Variants in TMEM132A observed in about 807,000 individuals in gnomAD.
TMEM132A encodes the protein GRP78-binding protein.
In TMEM132A, 48 loss-of-function variants were observed where a neutral mutation model predicts 69.9. That is an observed-to-expected ratio of 0.69 (90% CI 0.55 to 0.87). TMEM132A has a LOEUF of 0.87. TMEM132A is among the 40% of genes least tolerant of loss of function. The probability of loss-of-function intolerance (pLI) is 0.00; values close to 1 mark genes in which losing one functional copy is unlikely to be tolerated. For missense variants in TMEM132A, 1,287 were observed against 1,407.2 expected (o/e 0.91, Z 1.37); for synonymous variants, 577 against 613.7 (o/e 0.94, Z 0.88).
Position 60,931,967 on chromosome 11 carries a change from C to T in TMEM132A, c.1213-17C>T, listed in dbSNP as rs1390466976. On this transcript the variant is annotated splice_polypyrimidine_tract_variant and intron_variant, in intron 6 of 10. Transcript: ENST00000453848. ...TGAGCTGAGGGGCCTGGGGCTGAGCCCCTCCTCCACCCCCAGGCTGAGGAG... is the reference window on the plus strand; with the variant it reads ...TGAGCTGAGGGGCCTGGGGCTGAGCTCCTCCTCCACCCCCAGGCTGAGGAG... 1 of 1,611,258 alleles carries T rather than the reference C, an allele frequency of 6.2e-7. No individual in the cohort carries two copies. Among genetic ancestry groups the T allele is most frequent in the South Asian group, 1.1e-5 (1 of 90,894 alleles).
intron 3 of TMEM132A, 100 bp from the exon 4 acceptor site, chr11:60,928,529 G>A (rs1856399903): frequency 8.7e-7 from 1 of 1,155,840 alleles, no homozygotes; most frequent in African/African-American, 1.5e-5. Flanking sequence ...TCCCTTTCAT[G>A]AGCCCCTCCA....
chr11:60,935,234 G>A lies in TMEM132A; in HGVS notation c.1837-18G>A, dbSNP rs367898699. 1 of 1,589,676 alleles carries A rather than the reference G, an allele frequency of 6.3e-7. No homozygotes were observed. Among genetic ancestry groups the A allele is most frequent in the Non-Finnish European group, 8.6e-7 (1 of 1,168,518 alleles). On this transcript the variant is annotated intron_variant, in intron 9 of 10. Transcript: ENST00000453848. The surrounding 1 kb of genome is among the most constrained non-coding windows in gnomAD (Gnocchi z 5.0). ...CTGTATGGAAGGCCCCCCACCTCCA[G>A]CTCCTTTCCACCCTCAGGTGCGTTC... is the stretch of plus-strand genomic sequence containing the variant.
chr11:60,936,767 G>A lies in TMEM132A; in HGVS notation c.2932G>A (p.Glu978Lys), dbSNP rs755179853. The A allele has an allele frequency of 6.8e-5, 109 of 1,612,492 alleles. No individual in the cohort carries two copies. The highest frequency in any genetic ancestry group is 9.1e-5 in the Non-Finnish European group (107 of 1,179,498). The change falls in exon 11 of 11, where the codon GAG (glutamate) becomes AAG (lysine). Residue 978 changes from glutamate to lysine, a missense_variant. By Grantham distance (56) the Glu-to-Lys change is moderately conservative. Transcript: ENST00000453848. Reference sequence around the variant, plus strand: ...GCCAGCCCCTCCAGCCCAGTCACCTGAGGAGCCTGTAGGGGCCCCTGCTGT... The same window carrying A: ...GCCAGCCCCTCCAGCCCAGTCACCTAAGGAGCCTGTAGGGGCCCCTGCTGT... ...FAPAPPAQSP[E>K]EPVGAPAVQS...
chr11:60,936,646 C>A lies in TMEM132A; in HGVS notation c.2811C>A (p.Ala937=), dbSNP rs772811692. 30 of 1,556,034 alleles carry A rather than the reference C, an allele frequency of 1.9e-5. No homozygotes were observed. Among genetic ancestry groups the A allele is most frequent in the Non-Finnish European group, 2.6e-5 (30 of 1,152,202 alleles). The part of the protein sequence containing the change: ...SGGGGEAPTL[A]PGPPGGTTSS... ...GAGGAGGGGAGGCCCCTACCCTGGC[C>A]CCTGGCCCTCCTGGGGGCACCACCA... Residue 937 remains alanine (A), a synonymous_variant, in exon 11 of 11, where the codon GCC becomes GCA. Coordinates refer to ENST00000453848, the MANE Select transcript of TMEM132A (RefSeq NM_178031.3).
chr11:60,933,725 G>A lies in TMEM132A; in HGVS notation c.1540G>A (p.Val514Ile), dbSNP rs1026377759. Reference protein sequence around the residue: ...TTLEQVRGWRVPGPAEGPAEP... With the variant: ...TTLEQVRGWRIPGPAEGPAEP... ...CCTCGAGCAGGTCCGCGGCTGGAGG[G>A]TACCTGGCCCTGCTGAAGGGTGAGT... is the stretch of plus-strand genomic sequence containing the variant. The change falls in exon 8 of 11, where the codon GTA (valine) becomes ATA (isoleucine). Residue 514 changes from valine (V) to isoleucine (I), a missense_variant. Val to Ile is a conservative substitution (Grantham distance 29). Coordinates refer to ENST00000453848, the MANE Select transcript of TMEM132A (RefSeq NM_178031.3). 1.3e-6 allele frequency: 2 copies of A among 1,584,522 alleles called. No individual in the cohort carries two copies. The highest frequency in any genetic ancestry group is 1.7e-6 in the Non-Finnish European group (2 of 1,166,746).
chr11:60,928,647 G>C lies in TMEM132A; in HGVS notation c.553G>C (p.Val185Leu). Reference protein sequence around the residue: ...CRFQPSLGACVVELELPSHWF... With the variant: ...CRFQPSLGACLVELELPSHWF... The stretch of plus-strand genomic sequence containing the variant: ...TTCACAGCCATCCCTGGGCGCCTGC[G>C]TGGTGGAGCTGGAGCTTCCCTCGCA... Residue 185 changes from valine to leucine, a missense_variant, in exon 4 of 11, where the codon GTG becomes CTG. Coordinates refer to ENST00000453848, the MANE Select transcript of TMEM132A (RefSeq NM_178031.3). The C allele has an allele frequency of 6.2e-7, 1 of 1,609,432 alleles. No homozygotes were observed. The highest frequency in any genetic ancestry group is 8.5e-7 in the Non-Finnish European group (1 of 1,179,930).
In TMEM132A at chr11:60,936,981, C is replaced by T; in HGVS notation, c.*74C>T. On this transcript the variant is annotated 3_prime_UTR_variant, in exon 11 of 11. Transcript: ENST00000453848. Reference sequence around the variant, plus strand: ...GGTCCCACTGAGCCTCTCGCCTGCCCCCGCCACTCGTCTGGTGCTTGTTGA... The same window carrying T: ...GGTCCCACTGAGCCTCTCGCCTGCCTCCGCCACTCGTCTGGTGCTTGTTGA... 7.3e-7 allele frequency: 1 copy of T among 1,361,560 alleles called. No homozygotes were observed. Among genetic ancestry groups the T allele is most frequent in the Non-Finnish European group, 9.7e-7 (1 of 1,025,910 alleles). The allele number at this position is 1,361,560 out of a possible 1,614,324, so 84.3% of individuals were successfully genotyped here.
chr11:60,934,377 G>GC, intron 8 of TMEM132A, 111 bp from the exon 9 acceptor site: 6 of 1,003,944 alleles, frequency 6.0e-6, no homozygotes, highest in Non-Finnish European at 6.6e-6. Flanking sequence ...AACAGGAGCT[G>GC]CTGGTGATTA....
chr11:60,932,249 C>A, intron 7 of TMEM132A, 122 bp downstream of exon 7: 2 of 1,238,754 alleles, frequency 1.6e-6, no homozygotes, highest in Non-Finnish European at 2.1e-6. Context: ...AGACGAGAAA[C>A]CTCATGGGAG....
Position 60,936,408 on chromosome 11 carries a change from G to A in TMEM132A, c.2573G>A (p.Cys858Tyr). 6.2e-7 allele frequency: 1 copy of A among 1,614,172 alleles called. No individual in the cohort carries two copies. The highest frequency in any genetic ancestry group is 8.5e-7 in the Non-Finnish European group (1 of 1,180,016). ...ATGTACGCCCTGCTGGGAGTCTTCT[G>A]CGTGGCCATCTTCATCTTCTTGGTC... ...LGMYALLGVF[C>Y]VAIFIFLVNG... The change falls in exon 11 of 11, where the codon TGC (cysteine) becomes TAC (tyrosine). Residue 858 changes from cysteine to tyrosine, a missense_variant. Physicochemically the swap from Cys to Tyr is radical, Grantham distance 194. Coordinates refer to ENST00000453848, the MANE Select transcript of TMEM132A (RefSeq NM_178031.3).
At chr11:60,932,320 C>A (rs561021222) in intron 7 of TMEM132A, 193 bp downstream of exon 7, 1 of 612,966 alleles carries the variant, frequency 1.6e-6, no homozygotes, top group East Asian at 3.1e-5. Flanking sequence ...GTAACCCTAA[C>A]AGCCCCCCGA....
rs759209924 is a variant in TMEM132A, at chr11:60,933,688, C to T, written c.1503C>T (p.Leu501=). 2.8e-5 allele frequency: 45 copies of T among 1,603,292 alleles called. No individual in the cohort carries two copies. The South Asian group carries it at 4.8e-4, about 17-fold the overall frequency. Residue 501 remains leucine (L), a synonymous_variant, in exon 8 of 11, where the codon CTC becomes CTT. Transcript: ENST00000453848. ...CCCTGCTACCGCTGCGTATCGAGCTCACCGACACCACCCTCGAGCAGGTCC... is the reference window on the plus strand; with the variant it reads ...CCCTGCTACCGCTGCGTATCGAGCTTACCGACACCACCCTCGAGCAGGTCC... ...WAPLLPLRIE[L]TDTTLEQVRG...
intron 8 of TMEM132A, chr11:60,934,066 C>CG (rs1407505941): frequency 4.4e-6 from 2 of 457,244 alleles, no homozygotes; most frequent in Non-Finnish European, 7.7e-6. Flanking sequence ...CTTGAAGCTG[C>CG]GGTCTGTCTA....
intron 7 of TMEM132A, chr11:60,933,189 A>C: frequency 5.2e-6 from 1 of 192,678 alleles, no homozygotes; most frequent in East Asian, 1.2e-4. Flanking sequence ...TTTTTTTTTT[A>C]ATCTATTTAT....
Position 60,936,585 on chromosome 11 carries a change from C to T in TMEM132A, c.2750C>T (p.Pro917Leu). 1 of 1,600,810 alleles carries T rather than the reference C, an allele frequency of 6.2e-7. No individual in the cohort carries two copies. Among genetic ancestry groups the T allele is most frequent in the Non-Finnish European group, 8.5e-7 (1 of 1,173,410 alleles). The change falls in exon 11 of 11, where the codon CCC becomes CTC. Residue 917 changes from proline (P) to leucine (L), a missense_variant. Transcript: ENST00000453848. The stretch of plus-strand genomic sequence containing the variant: ...CTGGACCGGCAGTCCCCTGGCCCGC[C>T]CAAGGGGGAGGGGAGCTGCCCCTGT... ...RQLDRQSPGP[P>L]KGEGSCPCES...
Position 60,933,651 on chromosome 11 carries a change from C to T in TMEM132A, c.1466C>T (p.Thr489Ile), listed in dbSNP as rs557842198. Residue 489 changes from threonine (T) to isoleucine (I), a missense_variant, in exon 8 of 11, where the codon ACC (threonine) becomes ATC (isoleucine). Coordinates refer to ENST00000453848, the MANE Select transcript of TMEM132A (RefSeq NM_178031.3). ...CGGCTCCGCGCCTCGCTGCGGCTGA[C>T]CGTGTGGGCCCCCCTGCTACCGCTG... ...WRRLRASLRL[T>I]VWAPLLPLRI... The T allele has an allele frequency of 4.0e-5, 64 of 1,605,738 alleles. No individual in the cohort carries two copies. Among genetic ancestry groups the T allele is most frequent in the Admixed American group, 1.3e-4 (8 of 59,802 alleles).
chr11:60,933,536 C>T lies in TMEM132A; in HGVS notation c.1357-6C>T, dbSNP rs760797228. On this transcript the variant is annotated splice_polypyrimidine_tract_variant and splice_region_variant and intron_variant, in intron 7 of 10. Transcript: ENST00000453848. ...GCCCGCCCACCTGCCCTCTGCCCTT[C>T]CATAGGTGTCTGAGGCCTGTGATGC... 1.2e-6 allele frequency: 2 copies of T among 1,605,158 alleles called. No homozygotes were observed. Among genetic ancestry groups the T allele is most frequent in the African/African-American group, 2.7e-5 (2 of 74,798 alleles).
rs997783537 is a variant in TMEM132A at position 60,927,879 on chromosome 11, C to T, written c.534+20C>T. On this transcript the variant is annotated intron_variant, in intron 3 of 10. Transcript: ENST00000453848. ...TTCCAGGTGAGTAGACAGGCCCCAC[C>T]TAGGCTGGTCCTGCTGCAGCTGCAT... 1.9e-6 allele frequency: 3 copies of T among 1,588,770 alleles called. No individual in the cohort carries two copies. The highest frequency in any genetic ancestry group is 1.7e-5 in the Admixed American group (1 of 59,054).
At chr11:60,932,385 G>A in intron 7 of TMEM132A, 1 of 372,092 alleles carries the variant, frequency 2.7e-6, no homozygotes, top group Non-Finnish European at 4.8e-6. Flanking sequence ...GCCTGAGAGA[G>A]TCGAGAGCAC....
Sources: gnomAD v4.1 joint callset for allele counts on GRCh38, gnomAD v4.1.1 for gene constraint, Gnocchi (gnomAD v3.1) non-coding constraint, MANE v1.5 for transcripts, NCBI Gene and HGNC (gene_info 2026-07-23, HGNC 2026-07-21) for gene names.